CPNE5: variants seen among roughly 807,000 people sequenced by gnomAD.
CPNE5 encodes the protein copine-5.
Under a neutral mutation model 81.1 loss-of-function variants are expected in CPNE5, and 42 were observed. The ratio of observed to expected loss-of-function variants is 0.52; its 90% CI spans 0.40 to 0.67. The LOEUF (loss-of-function observed/expected upper bound fraction) is 0.67, where lower values mean the gene tolerates loss of function less well. Ranked by LOEUF, CPNE5 falls within the 30% of genes least tolerant of loss-of-function variation. The pLI is 0.00. For synonymous variants in CPNE5, 313 were observed against 321.5 expected (o/e 0.97, Z 0.28); for missense variants, 612 against 815.5 (o/e 0.75, Z 3.04).
At chr6:36,791,614 T>C (rs551389585) in intron 8 of CPNE5, among the ~76,000 whole-genome samples, 9 of 152,246 alleles carry the variant, frequency 5.9e-5, no homozygotes, top group Admixed American at 3.9e-4. Context: ...GGTGTCACCC[T>C]ACTCCAGAGC....
In CPNE5 at chr6:36,815,286, G is replaced by C. The variant is rs560355622; in HGVS notation, c.183+6828C>G. Among the ~76,000 whole-genome samples the C allele has an allele frequency of 3.9e-4, 59 of 152,274 alleles. 1 individual carries two copies. Among genetic ancestry groups the C allele is most frequent in the South Asian group, 1.0e-3 (5 of 4,826 alleles). The stretch of plus-strand genomic sequence containing the variant: ...TGAAAGTGAGCTCCTCTGGTTGTAG[G>C]CAGTGTCTGGTCCCCCTTTGCACCC... On this transcript the variant is annotated intron_variant, in intron 3 of 20. Transcript: ENST00000244751.
intron 8 of CPNE5, 51 bp from the exon 9 acceptor site, chr6:36,779,008 C>G (rs1010978123): frequency 7.8e-7 from 1 of 1,274,350 alleles, no homozygotes; most frequent in Non-Finnish European, 1.1e-6. Flanking sequence ...AGTGGAAGCA[C>G]AGCTCCCAGA....
At chr6:36,790,367 G>A (rs1273463403) in intron 8 of CPNE5, among the ~76,000 whole-genome samples, 2 of 152,122 alleles carry the variant, frequency 1.3e-5, no homozygotes, top group Non-Finnish European at 2.9e-5. Flanking sequence ...CAGGAACCCC[G>A]AGGGATCCGT....
intron 14 of CPNE5, among the ~76,000 whole-genome samples, chr6:36,750,277 G>A (rs76259718): frequency 0.082 from 12,473 of 152,262 alleles, 633 homozygotes; most frequent in Non-Finnish European, 0.11. Flanking sequence ...CCCTGTCACA[G>A]ACACAGCAGA....
intron 14 of CPNE5, among the ~76,000 whole-genome samples, chr6:36,748,496 T>C (rs935971452): frequency 2.0e-5 from 3 of 152,172 alleles, no homozygotes; most frequent in Non-Finnish European, 2.9e-5. Context: ...GGAAAGCTCT[T>C]TGAAGATGAT....
chr6:36,774,196 C>T (rs1006426340), intron 10 of CPNE5, among the ~76,000 whole-genome samples: 2 of 151,524 alleles, frequency 1.3e-5, no homozygotes, highest in African/African-American at 4.9e-5. Context: ...CCAGCTTGGA[C>T]AACACAGCGA....
intron 1 of CPNE5, among the ~76,000 whole-genome samples, chr6:36,829,758 A>G (rs1772819020): frequency 7.1e-6 from 1 of 141,206 alleles, no homozygotes; most frequent in Non-Finnish European, 1.5e-5. Flanking sequence ...GGTTGCAGTG[A>G]GCCGAGATCA....
intron 20 of CPNE5, chr6:36,743,294 A>G: frequency 1.1e-6 from 1 of 935,548 alleles, no homozygotes; most frequent in Non-Finnish European, 1.3e-6. Context: ...AGATGCTTAC[A>G]TTGATTCAGT....
intron 12 of CPNE5, among the ~76,000 whole-genome samples, chr6:36,759,305 T>G (rs1017525618): frequency 6.6e-6 from 1 of 152,078 alleles, no homozygotes; most frequent in African/African-American, 2.4e-5. Context: ...CCTCAGCCTC[T>G]CCAGCCCCGC....
At chr6:36,768,593 C>G (rs1002684331) in intron 10 of CPNE5, among the ~76,000 whole-genome samples, 1 of 152,190 alleles carries the variant, frequency 6.6e-6, no homozygotes, top group Non-Finnish European at 1.5e-5. Flanking sequence ...GCAGATGTCA[C>G]TTGTCACCTG....
Position 36,794,654 on chromosome 6 carries a change from GGA to G in CPNE5, c.405-7_405-6del, listed in dbSNP as rs201371608. On this transcript the variant is annotated splice_region_variant and splice_polypyrimidine_tract_variant and intron_variant, in intron 6 of 20. Transcript: ENST00000244751. ...TTCAGGCTGAATGCGCCTATCCTGT[GGA>G]GAGAGAGGGGGAGAGAGAGCATGCC... The G allele has an allele frequency of 2.5e-3, 4,040 of 1,613,702 alleles. 112 individuals carry two copies. The Admixed American group carries it at 0.046, about 18-fold the overall frequency.
At chr6:36,797,089 T>A (rs1051158074) in intron 6 of CPNE5, among the ~76,000 whole-genome samples, 1 of 152,198 alleles carries the variant, frequency 6.6e-6, no homozygotes, top group African/African-American at 2.4e-5. Context: ...GTATTTTTAG[T>A]AGAGACAGGG....
intron 12 of CPNE5, among the ~76,000 whole-genome samples, chr6:36,762,348 T>TCACG (rs1554197419): frequency 9.6e-5 from 14 of 145,246 alleles, no homozygotes; most frequent in African/African-American, 3.7e-4. Context: ...AAATACATGC[T>TCACG]CACACACACA....
chr6:36,772,987 G>A (rs1767169427), intron 10 of CPNE5, among the ~76,000 whole-genome samples: 1 of 151,926 alleles, frequency 6.6e-6, no homozygotes, highest in Non-Finnish European at 1.5e-5. Context: ...CCACAGATGT[G>A]CGCCACTATA....
intron 6 of CPNE5, among the ~76,000 whole-genome samples, chr6:36,795,399 G>A (rs1769473545): frequency 1.3e-5 from 2 of 152,044 alleles, no homozygotes; most frequent in Non-Finnish European, 1.5e-5. Flanking sequence ...GGATGGTCTC[G>A]AACTCCTGAC....
chr6:36,805,253 T>G (rs1770486103), intron 3 of CPNE5, among the ~76,000 whole-genome samples: 1 of 151,750 alleles, frequency 6.6e-6, no homozygotes, highest in Non-Finnish European at 1.5e-5. Context: ...ATCTAACTGC[T>G]GTGCAGCAAA....
intron 7 of CPNE5, among the ~76,000 whole-genome samples, chr6:36,793,427 C>T (rs1384298625): frequency 6.6e-6 from 1 of 152,186 alleles, no homozygotes; most frequent in Non-Finnish European, 1.5e-5. Context: ...TGGTCTGGTC[C>T]TCCATGGTAG....
chr6:36,793,928 C>A (rs538927124), intron 7 of CPNE5, among the ~76,000 whole-genome samples: 1 of 152,236 alleles, frequency 6.6e-6, no homozygotes, highest in African/African-American at 2.4e-5. Flanking sequence ...GGCGAGTGGG[C>A]GTGAGAAAGA....
chr6:36,793,205 G>C (rs1201566577), intron 7 of CPNE5, among the ~76,000 whole-genome samples: 1 of 152,144 alleles, frequency 6.6e-6, no homozygotes, highest in Non-Finnish European at 1.5e-5. Flanking sequence ...CCAGCTATTG[G>C]AGGGAGAGGC....
Sources: allele counts gnomAD v4.1 joint callset (sites outside exome capture counted in the v4.1 genomes callset), GRCh38; gene constraint gnomAD v4.1.1; transcripts MANE v1.5; gene names NCBI Gene and HGNC (gene_info 2026-07-23, HGNC 2026-07-21).